The following NFIC variants were observed in gnomAD, a reference collection of about 807,000 sequenced individuals.
NFIC encodes the protein nuclear factor 1 C-type.
Under a neutral mutation model 54.4 loss-of-function variants are expected in NFIC, and 12 were observed. The observed-to-expected ratio is 0.22, with a 90% CI of 0.14 to 0.36. The LOEUF (loss-of-function observed/expected upper bound fraction) is 0.36. Among genes scored for constraint, NFIC ranks in the 10% least tolerant of loss-of-function variants. The pLI, the probability that NFIC is intolerant of heterozygous loss-of-function variation, is 1.00. For missense variants in NFIC, 575 were observed against 718.2 expected, an observed-to-expected ratio of 0.80 and a Z score of 2.28; for synonymous variants, 322 against 319.2, an observed-to-expected ratio of 1.01 and a Z score of -0.09.
chr19:3,364,413 G>A (rs766319904), upstream of NFIC, among the ~76,000 whole-genome samples: 5 of 152,212 alleles, frequency 3.3e-5, no homozygotes, highest in Non-Finnish European at 5.9e-5. Flanking sequence ...GCTGACTGGA[G>A]GAGACATAGA....
At chr19:3,401,318 AG>A (rs750676463) in intron 2 of NFIC, among the ~76,000 whole-genome samples, 1 of 151,948 alleles carries the variant, frequency 6.6e-6, no homozygotes, top group Non-Finnish European at 1.5e-5. Flanking sequence ...CAGGGAGGAC[AG>A]ACTGTGGGGG....
chr19:3,384,554 A>G (rs2081263701), intron 2 of NFIC, among the ~76,000 whole-genome samples: 1 of 151,890 alleles, frequency 6.6e-6, no homozygotes, highest in African/African-American at 2.4e-5. Flanking sequence ...ACGCCTGGCT[A>G]ATTTTTGTAT....
intron 4 of NFIC, among the ~76,000 whole-genome samples, chr19:3,434,002 T>G (rs1303987735): frequency 6.6e-6 from 1 of 152,138 alleles, no homozygotes; most frequent in Non-Finnish European, 1.5e-5. Flanking sequence ...CTGTCCTTCT[T>G]TAGCCCTGAC....
At chr19:3,384,917 C>T (rs998093403) in intron 2 of NFIC, among the ~76,000 whole-genome samples, 27 of 152,146 alleles carry the variant, frequency 1.8e-4, no homozygotes, top group Non-Finnish European at 2.8e-4. Context: ...ACACATCTTC[C>T]TCGCCCGGGG....
At position 3,399,337 on chromosome 19, in the gene NFIC, G is replaced by A. The variant is rs186830623; in HGVS notation, c.562+17094G>A. ...CACACCTGTAATCCCAGCGCTTTGA[G>A]AGGCTGAGACGGGAGGATCACTTGA... On this transcript the variant is annotated intron_variant, in intron 2 of 10. Coordinates refer to ENST00000443272, the MANE Select transcript of NFIC (RefSeq NM_001245002.2). Among the ~76,000 whole-genome samples, 160 of 152,326 alleles carry A rather than the reference G, an allele frequency of 1.1e-3. 1 individual carries two copies. Among genetic ancestry groups the A allele is most frequent in the Admixed American group, 5.7e-3 (87 of 15,294 alleles).
intron 2 of NFIC, among the ~76,000 whole-genome samples, chr19:3,395,801 C>T (rs943577002): frequency 1.3e-5 from 2 of 152,080 alleles, no homozygotes; most frequent in African/African-American, 4.8e-5. Flanking sequence ...CTGCCTCAGC[C>T]TCCCGAGTAC....
intron 3 of NFIC, among the ~76,000 whole-genome samples, chr19:3,426,675 C>T (rs2082032080): frequency 6.6e-6 from 1 of 152,158 alleles, no homozygotes; most frequent in African/African-American, 2.4e-5. Context: ...CCATCCCTGC[C>T]CTGTCCTCCC....
At chr19:3,397,429 C>T (rs2145524115) in intron 2 of NFIC, among the ~76,000 whole-genome samples, 1 of 152,330 alleles carries the variant, frequency 6.6e-6, no homozygotes, top group Middle Eastern at 3.4e-3. Context: ...CAAGGAGCAG[C>T]TTCAGGGCTG....
upstream of NFIC, among the ~76,000 whole-genome samples, chr19:3,361,832 G>T (rs888616822): frequency 6.6e-6 from 1 of 151,862 alleles, no homozygotes; most frequent in Non-Finnish European, 1.5e-5. Flanking sequence ...GGACACACGT[G>T]CATGCAGTCA....
At chr19:3,440,282 G>T (rs1484969912) in intron 6 of NFIC, among the ~76,000 whole-genome samples, 1 of 152,036 alleles carries the variant, frequency 6.6e-6, no homozygotes, top group Non-Finnish European at 1.5e-5. Flanking sequence ...CGTGTCAGGA[G>T]CACCCCCCAG....
At chr19:3,454,486 C>T (rs570463731) in intron 9 of NFIC, 7 of 156,362 alleles carry the variant, frequency 4.5e-5, no homozygotes, top group East Asian at 1.9e-4. Flanking sequence ...CCTGGGTTGG[C>T]GGCTGCTGCA....
intron 7 of NFIC, among the ~76,000 whole-genome samples, chr19:3,450,800 C>T (rs1423526199): frequency 6.6e-6 from 1 of 152,226 alleles, no homozygotes; most frequent in Non-Finnish European, 1.5e-5. Flanking sequence ...CAGTCATGCA[C>T]ACAGAGAGGC....
At chr19:3,408,956 T>C (rs964613352) in intron 2 of NFIC, among the ~76,000 whole-genome samples, 9 of 152,088 alleles carry the variant, frequency 5.9e-5, no homozygotes, top group Non-Finnish European at 1.2e-4. Context: ...GGTCTCGAAC[T>C]CCTTGCCTCA....
intron 2 of NFIC, among the ~76,000 whole-genome samples, chr19:3,382,977 A>G (rs969166399): frequency 2.6e-5 from 4 of 150,968 alleles, no homozygotes; most frequent in Admixed American, 6.6e-5. Context: ...TGGCGCTCCA[A>G]TGGTAGAGGC....
chr19:3,425,023 TG>T, intron 2 of NFIC, 82 bp from the exon 3 acceptor site: 1 of 1,451,638 alleles, frequency 6.9e-7, no homozygotes. Flanking sequence ...AGCCCAGGAC[TG>T]GGGCCACCAG....
At chr19:3,383,488 G>A (rs2081245467) in intron 2 of NFIC, among the ~76,000 whole-genome samples, 1 of 152,202 alleles carries the variant, frequency 6.6e-6, no homozygotes, top group Admixed American at 6.5e-5. Flanking sequence ...TTGGCTGCGT[G>A]GCCCTCTTGG....
chr19:3,393,275 A>C (rs1469325571), intron 2 of NFIC, among the ~76,000 whole-genome samples: 2 of 151,972 alleles, frequency 1.3e-5, no homozygotes, highest in Non-Finnish European at 2.9e-5. Context: ...CCTGGAGGGG[A>C]GGTAGGGCCA....
chr19:3,425,219 A>G, intron 3 of NFIC, 42 bp downstream of exon 3: 2 of 1,564,630 alleles, frequency 1.3e-6, no homozygotes, highest in Non-Finnish European at 1.7e-6. Context: ...CGGAGGGCGC[A>G]GCCCTGTCCT....
chr19:3,398,391 G>C (rs1024800637), intron 2 of NFIC, among the ~76,000 whole-genome samples: 3 of 152,114 alleles, frequency 2.0e-5, no homozygotes, highest in Non-Finnish European at 4.4e-5. Context: ...TGAGCTGAGA[G>C]GCAAAGGCCA....
Sources: gnomAD v4.1 joint callset for allele counts (sites outside exome capture counted in the v4.1 genomes callset) on GRCh38, gnomAD v4.1.1 for gene constraint, MANE v1.5 for transcripts, NCBI Gene and HGNC (gene_info 2026-07-23, HGNC 2026-07-21) for gene names.